Variants in PURB observed in about 807,000 individuals in gnomAD.
PURB encodes the protein transcriptional regulator protein Pur-beta.
PURB carries 11 observed loss-of-function variants against 21.1 expected under a neutral mutation model. The observed-to-expected ratio is 0.52, with a 90% CI of 0.33 to 0.86. The LOEUF is 0.86. Ranked by LOEUF, PURB falls within the 40% of genes least tolerant of loss-of-function variation. PURB has a pLI of 0.02. For synonymous variants in PURB, 246 were observed against 210.8 expected (o/e 1.17, Z -1.45); for missense variants, 357 against 456.5 (o/e 0.78, Z 1.99).
rs1278938439 is a variant in PURB at position 44,881,221 on chromosome 7, T to C, written c.*3189A>G. The C allele has an allele frequency of 6.6e-6, 1 of 152,138 alleles. No homozygotes were observed. Among genetic ancestry groups the C allele is most frequent in the Non-Finnish European group, 1.5e-5 (1 of 68,016 alleles). The allele number at this position is 152,138 out of a possible 1,614,324, so 9.4% of individuals were successfully genotyped here. A position where few individuals can be genotyped will look rare whatever the true frequency, so the allele number is the denominator to read the frequency against. ...TGACTATTTTGATTAGCTGGGATGTTTGCCAAGCTTAAAAAAAAAGGCTCA... is the reference window on the plus strand; with the variant it reads ...TGACTATTTTGATTAGCTGGGATGTCTGCCAAGCTTAAAAAAAAAGGCTCA... On this transcript the variant is annotated 3_prime_UTR_variant, in exon 1 of 1. Coordinates refer to ENST00000395699, the MANE Select transcript of PURB (RefSeq NM_033224.5).
At position 44,881,106 on chromosome 7, in the gene PURB, C is replaced by T. The variant is rs1019748582; in HGVS notation, c.*3304G>A. ...TTTTGATTCTGTTCCTAAAATTTGG[C>T]TTTTCACCTTTGTAACTATGGTAGT... On this transcript the variant is annotated 3_prime_UTR_variant, in exon 1 of 1. Transcript: ENST00000395699. 4 of 152,420 alleles carry T rather than the reference C, an allele frequency of 2.6e-5. No individual in the cohort carries two copies. The highest frequency in any genetic ancestry group is 4.4e-5 in the Non-Finnish European group (3 of 68,002). 9.4% of individuals were successfully genotyped at this position (152,420 alleles called of 1,614,324 possible). A position where few individuals can be genotyped will look rare whatever the true frequency, so the allele number is the denominator to read the frequency against.
rs1049796549 is a variant in PURB, at chr7:44,881,562, C to G, written c.*2848G>C. ...AAAACCCACCACTATGACATTACCA[C>G]TTAATCTTACATAGGCAGGTCAAAA... On this transcript the variant is annotated 3_prime_UTR_variant, in exon 1 of 1. Coordinates refer to ENST00000395699, the MANE Select transcript of PURB (RefSeq NM_033224.5). 1 of 152,640 alleles carries G rather than the reference C, an allele frequency of 6.6e-6. No homozygotes were observed. Among genetic ancestry groups the G allele is most frequent in the Non-Finnish European group, 1.5e-5 (1 of 68,034 alleles). The allele number at this position is 152,640 out of a possible 1,614,324, so 9.5% of individuals were successfully genotyped here.
rs1793858954 is a variant in PURB at position 44,880,336 on chromosome 7, C to G, written c.*4074G>C. 6.6e-6 allele frequency: 1 copy of G among 152,604 alleles called. No homozygotes were observed. The allele number at this position is 152,604 out of a possible 1,614,324, so 9.5% of individuals were successfully genotyped here. On this transcript the variant is annotated 3_prime_UTR_variant, in exon 1 of 1. Transcript: ENST00000395699. ...GGCCACACTATTTTCAAATGAATAT[C>G]TACTGAGAGATCAGTTGTGCATTGG...
Position 44,884,860 on chromosome 7 carries a change from C to T in PURB, c.489G>A (p.Pro163=), listed in dbSNP as rs1365386965. 6.4e-7 allele frequency: 1 copy of T among 1,559,066 alleles called. No homozygotes were observed. The change falls in exon 1 of 1, where the codon CCG becomes CCA. Residue 163 remains proline, a synonymous_variant. Coordinates refer to ENST00000395699, the MANE Select transcript of PURB (RefSeq NM_033224.5). ...GGGGFGAGPG[P]GGLQSGQTIA... is the part of the protein sequence containing the mutation. ...TGGTCTGGCCGCTCTGCAAGCCGCC[C>T]GGCCCGGGGCCCGCGCCGAAGCCGC...
chr7:44,884,718 G>T lies in PURB; in HGVS notation c.631C>A (p.Pro211Thr), dbSNP rs761294058. 2.0e-5 allele frequency: 33 copies of T among 1,612,898 alleles called. 1 individual carries two copies. The South Asian group carries it at 3.3e-4, about 16-fold the overall frequency. Reference sequence around the variant, plus strand: ...AGCTCTCCATACAGGCCGCCCCCTGGGCCCCCGGCGCCGCCTCCCGGGCCG... The same window carrying T: ...AGCTCTCCATACAGGCCGCCCCCTGTGCCCCCGGCGCCGCCTCCCGGGCCG... The part of the protein sequence containing the change: ...AGGPGGGAGG[P>T]GGGLYGELPE... The change falls in exon 1 of 1, where the codon CCA (proline) becomes ACA (threonine). Residue 211 changes from proline (P) to threonine (T), a missense_variant. Transcript: ENST00000395699.
In PURB at chr7:44,884,990, T is replaced by C; in HGVS notation, c.359A>G (p.Lys120Arg). The C allele has an allele frequency of 5.2e-6, 8 of 1,552,792 alleles. No homozygotes were observed. The highest frequency in any genetic ancestry group is 6.1e-6 in the Non-Finnish European group (7 of 1,151,868). The stretch of plus-strand genomic sequence containing the variant: ...GTTCTCACGCACCAAGAATTCGCTC[T>C]TGAGCGCGCGCCGCGGCCCGCCGCC... ...EEGGGPRRAL[K>R]SEFLVRENRK... is the part of the protein sequence containing the mutation. Residue 120 changes from lysine (K) to arginine (R), a missense_variant, in exon 1 of 1, where the codon AAG becomes AGG. Physicochemically the swap from Lys to Arg is conservative, Grantham distance 26 (BLOSUM62 2). Transcript: ENST00000395699.
rs773867195 is a variant in PURB at position 44,884,953 on chromosome 7, G to A, written c.396C>T (p.Tyr132=). Residue 132 remains tyrosine (Y), a synonymous_variant, in exon 1 of 1, where the codon TAC becomes TAT. Transcript: ENST00000395699. ...CGCGCTGGTTCTCCTTGAGGTCCAG[G>A]TAGTACTTGCGGTTCTCACGCACCA... The part of the protein sequence containing the change: ...EFLVRENRKY[Y]LDLKENQRGR... The A allele has an allele frequency of 1.9e-5, 30 of 1,582,754 alleles. No homozygotes were observed. The highest frequency in any genetic ancestry group is 2.5e-5 in the Non-Finnish European group (29 of 1,167,002).
rs1562799021 is a variant in PURB, at chr7:44,876,376, A to C, written c.*8034T>G. On this transcript the variant is annotated 3_prime_UTR_variant, in exon 1 of 1. Transcript: ENST00000395699. Reference sequence around the variant, plus strand: ...TAGACTGTAAAACTCCATTTGCAAAAGTCTATTGTAAGGAGTGCACACCAG... The same window carrying C: ...TAGACTGTAAAACTCCATTTGCAAACGTCTATTGTAAGGAGTGCACACCAG... 1 of 152,626 alleles carries C rather than the reference A, an allele frequency of 6.6e-6. No individual in the cohort carries two copies. The highest frequency in any genetic ancestry group is 1.5e-5 in the Non-Finnish European group (1 of 68,038). 9.5% of individuals were successfully genotyped at this position (152,626 alleles called of 1,614,324 possible).
At position 44,884,739 on chromosome 7, in the gene PURB, G is replaced by A. The variant is rs756035613; in HGVS notation, c.610C>T (p.Pro204Ser). Residue 204 changes from proline to serine, a missense_variant, in exon 1 of 1, where the codon CCG (proline) becomes TCG (serine). Physicochemically the swap from Pro to Ser is moderately conservative, Grantham distance 74 (BLOSUM62 -1). Coordinates refer to ENST00000395699, the MANE Select transcript of PURB (RefSeq NM_033224.5). ...GGEDDELAGG[P>S]GGGAGGPGGG... The stretch of plus-strand genomic sequence containing the variant: ...CCTGGGCCCCCGGCGCCGCCTCCCG[G>A]GCCGCCTGCCAGCTCGTCGTCCTCG... The A allele has an allele frequency of 2.0e-5, 32 of 1,611,542 alleles. No homozygotes were observed. The highest frequency in any genetic ancestry group is 2.5e-5 in the Non-Finnish European group (30 of 1,179,450).
chr7:44,885,259 C>G lies in PURB; in HGVS notation c.90G>C (p.Glu30Asp), dbSNP rs1793940652. The G allele has an allele frequency of 6.4e-7, 1 of 1,550,996 alleles. No homozygotes were observed. The highest frequency in any genetic ancestry group is 8.6e-7 in the Non-Finnish European group (1 of 1,157,478). Residue 30 changes from glutamate to aspartate, a missense_variant, in exon 1 of 1, where the codon GAG becomes GAC. Physicochemically the swap from Glu to Asp is conservative, Grantham distance 45. Transcript: ENST00000395699. ...GCCGCTTCGAGGCCAGCTCCTGCGT[C>G]TCTTGCTCGCCGCCGCCGCGGGACG... ...QPASRGGGEQ[E>D]TQELASKRLD...
Position 44,885,148 on chromosome 7 carries a change from G to A in PURB, c.201C>T (p.Gly67=), listed in dbSNP as rs1324848536. 2 of 1,570,736 alleles carry A rather than the reference G, an allele frequency of 1.3e-6. No homozygotes were observed. The highest frequency in any genetic ancestry group is 1.2e-5 in the South Asian group (1 of 86,580). ...ACAGCGTGAGGCGGCTCTTGGAACCGCCCGCGCCCACCTCGGCGATCTTGA... is the reference window on the plus strand; with the variant it reads ...ACAGCGTGAGGCGGCTCTTGGAACCACCCGCGCCCACCTCGGCGATCTTGA... ...RFLKIAEVGA[G]GSKSRLTLSM... is the part of the protein sequence containing the mutation. Residue 67 remains glycine (G), a synonymous_variant, in exon 1 of 1, where the codon GGC becomes GGT. Transcript: ENST00000395699.
At position 44,880,454 on chromosome 7, in the gene PURB, A is replaced by G. The variant is rs1421300126; in HGVS notation, c.*3956T>C. ...TTACACACTCCAGCTTCTCAATTTC[A>G]TCCACCTCAAGAGCAAGATAGATGC... On this transcript the variant is annotated 3_prime_UTR_variant, in exon 1 of 1. Transcript: ENST00000395699. 6.6e-6 allele frequency: 1 copy of G among 152,636 alleles called. No homozygotes were observed. The highest frequency in any genetic ancestry group is 1.5e-5 in the Non-Finnish European group (1 of 68,042). The allele number at this position is 152,636 out of a possible 1,614,324, so 9.5% of individuals were successfully genotyped here.
rs1460917157 is a variant in PURB at position 44,880,751 on chromosome 7, C to G, written c.*3659G>C. 3.3e-5 allele frequency: 5 copies of G among 152,644 alleles called. No individual in the cohort carries two copies. The allele number at this position is 152,644 out of a possible 1,614,324, so 9.5% of individuals were successfully genotyped here. ...AGTAATCCAGAGGTAACAAAGGAAG[C>G]AGGAGGTTAACGGCTGCCTGCACCA... On this transcript the variant is annotated 3_prime_UTR_variant, in exon 1 of 1. Coordinates refer to ENST00000395699, the MANE Select transcript of PURB (RefSeq NM_033224.5).
chr7:44,884,676 T>C lies in PURB; in HGVS notation c.673A>G (p.Ile225Val), dbSNP rs1390842298. ...LYGELPEGTS[I>V]TVDSKRFFFD... is the part of the protein sequence containing the mutation. ...AAGAAGCGCTTGGAGTCCACGGTGA[T>C]GGAGGTGCCCTCCGGGAGCTCTCCA... Residue 225 changes from isoleucine to valine, a missense_variant, in exon 1 of 1, where the codon ATC (isoleucine) becomes GTC (valine). Physicochemically the swap from Ile to Val is conservative, Grantham distance 29. Coordinates refer to ENST00000395699, the MANE Select transcript of PURB (RefSeq NM_033224.5). 2 of 1,614,116 alleles carry C rather than the reference T, an allele frequency of 1.2e-6. No homozygotes were observed. Among genetic ancestry groups the C allele is most frequent in the South Asian group, 1.1e-5 (1 of 91,092 alleles).
chr7:44,879,401 GTTTT>G lies in PURB; in HGVS notation c.*5005_*5008del, dbSNP rs78309085. 2 of 141,172 alleles carry G rather than the reference GTTTT, an allele frequency of 1.4e-5. No homozygotes were observed. The highest frequency in any genetic ancestry group is 7.3e-5 in the Admixed American group (1 of 13,718). The allele number at this position is 141,172 out of a possible 1,614,324, so 8.7% of individuals were successfully genotyped here. On this transcript the variant is annotated 3_prime_UTR_variant, in exon 1 of 1. Coordinates refer to ENST00000395699, the MANE Select transcript of PURB (RefSeq NM_033224.5). ...GTCTGTATTTTCTTAAGGTAAATGT[GTTTT>G]TTTTTTTTTCTTTTTTCTTTTCTAC... is the stretch of plus-strand genomic sequence containing the variant.
In PURB at chr7:44,884,595, G is replaced by A; in HGVS notation, c.754C>T (p.Pro252Ser). 6.2e-7 allele frequency: 1 copy of A among 1,614,198 alleles called. No individual in the cohort carries two copies. The highest frequency in any genetic ancestry group is 1.1e-5 in the South Asian group (1 of 91,088). The change falls in exon 1 of 1, where the codon CCG becomes TCG. Residue 252 changes from proline to serine, a missense_variant. Physicochemically the swap from Pro to Ser is moderately conservative, Grantham distance 74 (BLOSUM62 -1). Coordinates refer to ENST00000395699, the MANE Select transcript of PURB (RefSeq NM_033224.5). ...ACGGTGATGGCATTGCGGTAGGACG[G>A]CTTCACCTCGCTCACTCGCAGAAAC... is the stretch of plus-strand genomic sequence containing the variant. ...GVFLRVSEVK[P>S]SYRNAITVPF...
chr7:44,881,955 G>A lies in PURB; in HGVS notation c.*2455C>T, dbSNP rs1793881954. On this transcript the variant is annotated 3_prime_UTR_variant, in exon 1 of 1. Coordinates refer to ENST00000395699, the MANE Select transcript of PURB (RefSeq NM_033224.5). ...CAACCCCTTAAAAAGGAGAGGTACT[G>A]CACCTTTGCAAAATTGAACTGGCTC... is the stretch of plus-strand genomic sequence containing the variant. 1 of 153,538 alleles carries A rather than the reference G, an allele frequency of 6.5e-6. No homozygotes were observed. Among genetic ancestry groups the A allele is most frequent in the Non-Finnish European group, 1.5e-5 (1 of 68,210 alleles). The allele number at this position is 153,538 out of a possible 1,614,324, so 9.5% of individuals were successfully genotyped here.
Position 44,884,313 on chromosome 7 carries a change from T to A in PURB, c.*97A>T. On this transcript the variant is annotated 3_prime_UTR_variant, in exon 1 of 1. Coordinates refer to ENST00000395699, the MANE Select transcript of PURB (RefSeq NM_033224.5). ...TTTTTCCCTCTGCGGCCTCCCTTGC[T>A]CCCTCTCCACTAGCTCACTGGGGAT... 1 of 1,526,784 alleles carries A rather than the reference T, an allele frequency of 6.5e-7. No homozygotes were observed. The highest frequency in any genetic ancestry group is 8.7e-7 in the Non-Finnish European group (1 of 1,144,966). 94.6% of individuals were successfully genotyped at this position (1,526,784 alleles called of 1,614,324 possible). A position where few individuals can be genotyped will look rare whatever the true frequency, so the allele number is the denominator to read the frequency against.
At position 44,882,704 on chromosome 7, in the gene PURB, A is replaced by G. The variant is rs971620607; in HGVS notation, c.*1706T>C. 1.3e-5 allele frequency: 2 copies of G among 152,238 alleles called. No homozygotes were observed. Among genetic ancestry groups the G allele is most frequent in the African/African-American group, 4.8e-5 (2 of 41,466 alleles). 9.4% of individuals were successfully genotyped at this position (152,238 alleles called of 1,614,324 possible). A position where few individuals can be genotyped will look rare whatever the true frequency, so the allele number is the denominator to read the frequency against. On this transcript the variant is annotated 3_prime_UTR_variant, in exon 1 of 1. Transcript: ENST00000395699. ...AAGGCAGCTCAAATAAGGGGCAGGCATGCAGTTTAAAAAAAATACTAAGAT... is the reference window on the plus strand; with the variant it reads ...AAGGCAGCTCAAATAAGGGGCAGGCGTGCAGTTTAAAAAAAATACTAAGAT...
Sources: allele counts gnomAD v4.1 joint callset, GRCh38; gene constraint gnomAD v4.1.1; transcripts MANE v1.5; gene names NCBI Gene and HGNC (gene_info 2026-07-23, HGNC 2026-07-21).